DNAH2: variants seen among roughly 807,000 people sequenced by gnomAD.
DNAH2 encodes dynein axonemal heavy chain 2, also known as axonemal beta dynein heavy chain 2.
In DNAH2, 323 loss-of-function variants were observed where a neutral mutation model predicts 523.5. That is an observed-to-expected ratio of 0.62 (90% CI 0.56 to 0.68). The LOEUF (loss-of-function observed/expected upper bound fraction) is 0.68, where lower values mean the gene tolerates loss of function less well. Among genes scored for constraint, DNAH2 ranks in the 30% least tolerant of loss-of-function variants. DNAH2 has a pLI of 0.00. For missense variants in DNAH2, 4,907 were observed against 5,701.5 expected (o/e 0.86, Z 4.49); for synonymous variants, 2,093 against 2,177.4 (o/e 0.96, Z 1.08).
chr17:7,804,235 C>T (rs1555567697), intron 58 of DNAH2, 21 bp from the exon 59 acceptor site: 3 of 1,613,290 alleles, frequency 1.9e-6, no homozygotes, highest in Non-Finnish European at 2.5e-6. Context: ...TCTCCACACC[C>T]TGTCCTATTC....
At chr17:7,757,657 G>C (rs1219997036) in intron 13 of DNAH2, among the ~76,000 whole-genome samples, 1 of 152,210 alleles carries the variant, frequency 6.6e-6, no homozygotes, top group African/African-American at 2.4e-5. Flanking sequence ...TTTGTTCTGG[G>C]TTAGGTACTG....
chr17:7,813,680 G>A (rs960568716), intron 63 of DNAH2, among the ~76,000 whole-genome samples: 2 of 152,150 alleles, frequency 1.3e-5, no homozygotes, highest in South Asian at 4.1e-4. Context: ...GGTTGACGCG[G>A]GTGGATGACT....
intron 39 of DNAH2, among the ~76,000 whole-genome samples, chr17:7,785,071 T>C (rs544468561): frequency 7.0e-4 from 106 of 150,370 alleles, no homozygotes; most frequent in Non-Finnish European, 1.3e-3. Context: ...AAATAACTAA[T>C]GGATCAAAGA....
At chr17:7,720,958 C>G (rs1196081481) in intron 2 of DNAH2, among the ~76,000 whole-genome samples, 2 of 150,254 alleles carry the variant, frequency 1.3e-5, no homozygotes, top group African/African-American at 4.9e-5. Context: ...CTTCGAACAG[C>G]AAGGATTTCT....
intron 12 of DNAH2, among the ~76,000 whole-genome samples, chr17:7,746,993 T>TAAAAAAAAAAAA (rs768828946): frequency 1.0e-5 from 1 of 100,394 alleles, no homozygotes; most frequent in Non-Finnish European, 2.2e-5. Context: ...ATCTCAAAAT[T>TAAAAAAAAAAAA]AAAAAAAAAA....
rs144735512 is a variant in DNAH2 at position 7,780,899 on chromosome 17, C to T, written c.6003+117C>T. 34 of 1,577,308 alleles carry T rather than the reference C, an allele frequency of 2.2e-5. No homozygotes were observed. In the Admixed American group the frequency reaches 3.4e-4, roughly 16 times the overall value. On this transcript the variant is annotated intron_variant, in intron 38 of 85. Transcript: ENST00000572933. The surrounding 1 kb of genome is among the most constrained non-coding windows in gnomAD (Gnocchi z 4.4). ...GATTGGGATTCTCACCTTCCCACCT[C>T]GTCCCATCCCCGTGTTGCCCGCTGC...
intron 7 of DNAH2, 78 bp from the exon 8 acceptor site, chr17:7,736,989 A>ATAAG: frequency 1.5e-6 from 2 of 1,318,630 alleles, no homozygotes; most frequent in East Asian, 2.3e-5. Flanking sequence ...TCTAAAATAA[A>ATAAG]TAAATAAATA....
rs1332036268 is a variant in DNAH2, at chr17:7,831,434, GATCGACTATGAGGGGACTC to G, written c.12506_12524del (p.Ile4169LysfsTer4). The G allele has an allele frequency of 9.3e-6, 15 of 1,614,178 alleles. No homozygotes were observed. The highest frequency in any genetic ancestry group is 1.3e-5 in the Non-Finnish European group (15 of 1,180,036). The stretch of plus-strand genomic sequence containing the variant: ...ATGTGAAGCAGAAGATCCCTGAAAT[GATCGACTATGAGGGGACTC>G]AAAAACTGCTAGCTCTCGACCCCTC... On this transcript the variant is annotated frameshift_variant, in exon 81 of 86. Transcript: ENST00000572933. LOFTEE classifies it high-confidence loss of function. The surrounding 1 kb of genome is among the most constrained non-coding windows in gnomAD (Gnocchi z 4.2).
chr17:7,725,292 G>C (rs899267326), intron 3 of DNAH2, among the ~76,000 whole-genome samples: 5 of 148,002 alleles, frequency 3.4e-5, no homozygotes, highest in Admixed American at 1.3e-4. Context: ...GTTTCATCAT[G>C]TTGGCCAGGC....
At chr17:7,812,655 T>A (rs993781454) in intron 63 of DNAH2, among the ~76,000 whole-genome samples, 1 of 149,874 alleles carries the variant, frequency 6.7e-6, no homozygotes, top group African/African-American at 2.5e-5. Flanking sequence ...GTGCGGTGGC[T>A]CACGCCTGGA....
intron 27 of DNAH2, 41 bp downstream of exon 27, chr17:7,770,974 T>G: frequency 6.3e-7 from 1 of 1,595,074 alleles, no homozygotes; most frequent in Non-Finnish European, 8.5e-7. Flanking sequence ...TTCCTGCTCT[T>G]ACTCCTTCTT....
At chr17:7,722,936 CTTTCTTTTCTTTCT>C (rs1365788198) in intron 2 of DNAH2, among the ~76,000 whole-genome samples, 21 of 124,666 alleles carry the variant, frequency 1.7e-4, no homozygotes, top group African/African-American at 3.3e-4. Context: ...GTTTAGCTTT[CTTTCTTTTCTTTCT>C]TTTCTTTTCT....
At chr17:7,794,132 C>A in intron 48 of DNAH2, 122 bp from the exon 49 acceptor site, 1 of 589,210 alleles carries the variant, frequency 1.7e-6, no homozygotes, top group Non-Finnish European at 2.8e-6. Context: ...CATCCCGGTT[C>A]CTCTTCCCCT....
At position 7,740,966 on chromosome 17, in the gene DNAH2, C is replaced by T. The variant is rs149244745; in HGVS notation, c.1663C>T (p.Arg555Trp). Residue 555 changes from arginine to tryptophan, a missense_variant, in exon 11 of 86, where the codon CGG (arginine) becomes TGG (tryptophan). Physicochemically the swap from Arg to Trp is moderately radical, Grantham distance 101 (BLOSUM62 -3). Coordinates refer to ENST00000572933, the MANE Select transcript of DNAH2 (RefSeq NM_020877.5). ...SGKARWVHIL[R>W]RRIDRVMTCL... ...AAAGGCGCGCTGGGTGCACATCCTC[C>T]GGCGTCGCATCGACAGAGTCATGAC... is the stretch of plus-strand genomic sequence containing the variant. The T allele has an allele frequency of 3.1e-6, 5 of 1,606,144 alleles. No homozygotes were observed. The highest frequency in any genetic ancestry group is 4.3e-6 in the Non-Finnish European group (5 of 1,173,870).
At chr17:7,767,353 G>C (rs1039853552) in intron 22 of DNAH2, among the ~76,000 whole-genome samples, 2 of 152,060 alleles carry the variant, frequency 1.3e-5, no homozygotes, top group Admixed American at 6.6e-5. Flanking sequence ...TGGACATTTG[G>C]GTTGTTTCCA....
At chr17:7,759,959 G>A (rs2075959062) in intron 17 of DNAH2, 21 bp downstream of exon 17, 1 of 1,614,122 alleles carries the variant, frequency 6.2e-7, no homozygotes, top group Non-Finnish European at 8.5e-7. Flanking sequence ...AACGGGGAGG[G>A]CACAAGGCAC....
intron 64 of DNAH2, 131 bp from the exon 65 acceptor site, chr17:7,817,159 C>T (rs1597755099): frequency 4.7e-6 from 6 of 1,285,292 alleles, no homozygotes; most frequent in Non-Finnish European, 6.2e-6. Context: ...TGTCAGGACA[C>T]ACAGGTTTAG....
chr17:7,763,279 C>G (rs2151202866), intron 18 of DNAH2, among the ~76,000 whole-genome samples: 1 of 152,366 alleles, frequency 6.6e-6, no homozygotes, highest in African/African-American at 2.4e-5. Flanking sequence ...CTGCCTCAGC[C>G]TCCCAAGTAG....
chr17:7,780,430 T>C lies in DNAH2; in HGVS notation c.5850+146T>C. 6.9e-7 allele frequency: 1 copy of C among 1,439,920 alleles called. No homozygotes were observed. The allele number at this position is 1,439,920 out of a possible 1,614,324, so 89.2% of individuals were successfully genotyped here. On this transcript the variant is annotated intron_variant, in intron 37 of 85. Transcript: ENST00000572933. The surrounding 1 kb of genome is among the most constrained non-coding windows in gnomAD (Gnocchi z 4.4). ...CAGTAGGATGTGTGGGGAGAAAAATTTAGGGGAGGGAGGTGTCTCCTCCGT... is the reference window on the plus strand; with the variant it reads ...CAGTAGGATGTGTGGGGAGAAAAATCTAGGGGAGGGAGGTGTCTCCTCCGT...
Sources: allele counts gnomAD v4.1 joint callset (sites outside exome capture counted in the v4.1 genomes callset), GRCh38; gene constraint gnomAD v4.1.1; non-coding constraint Gnocchi (gnomAD v3.1); transcripts MANE v1.5; gene names NCBI Gene and HGNC (gene_info 2026-07-23, HGNC 2026-07-21).